The following ATXN1 variants were observed in gnomAD, a reference collection of about 807,000 sequenced individuals.
ATXN1 encodes ataxin-1.
ATXN1 carries 8 observed loss-of-function variants against 56.4 expected under a neutral mutation model. That is an observed-to-expected ratio of 0.14 (90% CI 0.08 to 0.26). The LOEUF (loss-of-function observed/expected upper bound fraction) is 0.26. Among genes scored for constraint, ATXN1 ranks in the 10% least tolerant of loss-of-function variants. ATXN1 has a pLI of 1.00. For missense variants in ATXN1, 987 were observed against 1,106.5 expected (o/e 0.89, Z 1.53); for synonymous variants, 514 against 494.6 (o/e 1.04, Z -0.52).
chr6:16,747,750 A>G (rs561561151), intron 2 of ATXN1, among the ~76,000 whole-genome samples: 1 of 152,226 alleles, frequency 6.6e-6, no homozygotes, highest in Non-Finnish European at 1.5e-5. Context: ...AGAGAAAGTG[A>G]TCTTTCTTCT....
chr6:16,543,138 T>C (rs1289707726), intron 4 of ATXN1, among the ~76,000 whole-genome samples: 1 of 152,142 alleles, frequency 6.6e-6, no homozygotes, highest in African/African-American at 2.4e-5. Flanking sequence ...ACATTTGAGT[T>C]TACAAAATGC....
In ATXN1 at chr6:16,300,273, T is replaced by C. The variant is rs1760051548; in HGVS notation, c.*6056A>G. 6.6e-6 allele frequency: 1 copy of C among 152,644 alleles called. No individual in the cohort carries two copies. The highest frequency in any genetic ancestry group is 1.5e-5 in the Non-Finnish European group (1 of 68,034). 9.5% of individuals were successfully genotyped at this position (152,644 alleles called of 1,614,324 possible). A position where few individuals can be genotyped will look rare whatever the true frequency, so the allele number is the denominator to read the frequency against. On this transcript the variant is annotated 3_prime_UTR_variant, in exon 8 of 8. Transcript: ENST00000436367. ...GAGATTGTTGTTATTGTATAGATAC[T>C]ACCTATTGGCCAAATGCACTTAATT... is the stretch of plus-strand genomic sequence containing the variant.
At chr6:16,412,258 A>G (rs1344314596) in intron 6 of ATXN1, among the ~76,000 whole-genome samples, 1 of 152,238 alleles carries the variant, frequency 6.6e-6, no homozygotes, top group Non-Finnish European at 1.5e-5. Flanking sequence ...AACTCAAAAC[A>G]AGAAATTTAG....
At chr6:16,578,578 A>G (rs1166952196) in intron 4 of ATXN1, among the ~76,000 whole-genome samples, 3 of 152,140 alleles carry the variant, frequency 2.0e-5, no homozygotes, top group African/African-American at 7.2e-5. Flanking sequence ...AGCCAGCCCA[A>G]AGGGTGCTTT....
intron 4 of ATXN1, among the ~76,000 whole-genome samples, chr6:16,562,618 A>G (rs116024418): frequency 5.1e-4 from 78 of 152,224 alleles, no homozygotes; most frequent in African/African-American, 1.8e-3. Flanking sequence ...ACTGAATAAA[A>G]GCTTACTAGT....
intron 6 of ATXN1, among the ~76,000 whole-genome samples, chr6:16,476,876 G>T (rs1514330): frequency 6.6e-6 from 1 of 152,116 alleles, no homozygotes; most frequent in African/African-American, 2.4e-5. Context: ...TATACAAAAC[G>T]TGCTAGAAAT....
intron 6 of ATXN1, among the ~76,000 whole-genome samples, chr6:16,446,945 T>A (rs941413527): frequency 1.3e-5 from 2 of 152,214 alleles, no homozygotes; most frequent in Non-Finnish European, 2.9e-5. Context: ...TTTGCATTTT[T>A]AAAAAAGTGA....
chr6:16,599,790 A>G (rs1762882302), intron 3 of ATXN1, among the ~76,000 whole-genome samples: 1 of 152,098 alleles, frequency 6.6e-6, no homozygotes, highest in African/African-American at 2.4e-5. Flanking sequence ...CAGCTATCAC[A>G]CCTAAAGGTG....
intron 2 of ATXN1, among the ~76,000 whole-genome samples, chr6:16,715,997 C>A (rs1007629718): frequency 2.6e-5 from 4 of 152,206 alleles, no homozygotes; most frequent in African/African-American, 9.6e-5. Context: ...ACTCAATCTC[C>A]TTTGAGACAG....
intron 3 of ATXN1, among the ~76,000 whole-genome samples, chr6:16,639,508 TC>T (rs1404928313): frequency 6.6e-6 from 1 of 152,172 alleles, no homozygotes; most frequent in Admixed American, 6.5e-5. Context: ...AGATGGGGTT[TC>T]TCCATGTTGG....
intron 4 of ATXN1, among the ~76,000 whole-genome samples, chr6:16,550,168 A>G (rs1259963539): frequency 6.6e-6 from 1 of 151,554 alleles, no homozygotes; most frequent in Non-Finnish European, 1.5e-5. Context: ...AAAAAAAAAA[A>G]AAAAAAGAAT....
At chr6:16,348,537 A>G (rs1371025747) in intron 6 of ATXN1, among the ~76,000 whole-genome samples, 4 of 152,080 alleles carry the variant, frequency 2.6e-5, no homozygotes, top group Admixed American at 1.3e-4. Flanking sequence ...CGTCTCTACT[A>G]AAAATACAAA....
intron 3 of ATXN1, among the ~76,000 whole-genome samples, chr6:16,630,891 A>G (rs1763492058): frequency 6.6e-6 from 1 of 152,220 alleles, no homozygotes; most frequent in Non-Finnish European, 1.5e-5. Flanking sequence ...TAAATGGCTC[A>G]TGTGTCTGCC....
At chr6:16,444,748 A>G (rs1420261011) in intron 6 of ATXN1, among the ~76,000 whole-genome samples, 1 of 152,212 alleles carries the variant, frequency 6.6e-6, no homozygotes, top group Non-Finnish European at 1.5e-5. Context: ...GACTACCACT[A>G]TTTGCAATCC....
At chr6:16,528,523 C>G (rs1761437839) in intron 4 of ATXN1, among the ~76,000 whole-genome samples, 1 of 152,106 alleles carries the variant, frequency 6.6e-6, no homozygotes, top group African/African-American at 2.4e-5. Context: ...TCCACAGTTA[C>G]GTTATCATTA....
chr6:16,307,675 C>CA (rs60689654), intron 7 of ATXN1, among the ~76,000 whole-genome samples: 5,344 of 94,826 alleles, frequency 0.056, 188 homozygotes, highest in South Asian at 0.18. Context: ...GACTCCGTCT[C>CA]AAAAAAAAAA....
chr6:16,648,361 G>A lies in ATXN1; in HGVS notation c.-489+9415C>T, dbSNP rs1003664281. Among the ~76,000 whole-genome samples the A allele has an allele frequency of 2.6e-5, 4 of 152,290 alleles. No individual in the cohort carries two copies. In the East Asian group the frequency reaches 5.8e-4, roughly 22 times the overall value. ...GGCACCTTAGGTTGTAATGAAAAGCGTCATAGTCTAATTGCCTTCCTGAGT... is the reference window on the plus strand; with the variant it reads ...GGCACCTTAGGTTGTAATGAAAAGCATCATAGTCTAATTGCCTTCCTGAGT... On this transcript the variant is annotated intron_variant, in intron 3 of 7. Transcript: ENST00000436367.
chr6:16,706,634 A>C (rs1365356407), intron 2 of ATXN1, among the ~76,000 whole-genome samples: 1 of 151,586 alleles, frequency 6.6e-6, no homozygotes, highest in Non-Finnish European at 1.5e-5. Flanking sequence ...CTGAGGCAGG[A>C]GAATTGCTTG....
intron 4 of ATXN1, among the ~76,000 whole-genome samples, chr6:16,535,387 T>C (rs1761577015): frequency 1.3e-5 from 2 of 152,068 alleles, no homozygotes; most frequent in South Asian, 4.1e-4. Flanking sequence ...AAATGCTAAA[T>C]AGATAAATCA....
Sources: allele counts gnomAD v4.1 joint callset (sites outside exome capture counted in the v4.1 genomes callset), GRCh38; gene constraint gnomAD v4.1.1; transcripts MANE v1.5; gene names NCBI Gene and HGNC (gene_info 2026-07-23, HGNC 2026-07-21).